SCEL: variants seen among roughly 807,000 people sequenced by gnomAD.
SCEL encodes the protein sciellin.
In SCEL, 113 loss-of-function variants were observed where a neutral mutation model predicts 117.6. The observed-to-expected ratio is 0.96, with a 90% CI of 0.83 to 1.12. The LOEUF is 1.12. Ranked by LOEUF, SCEL falls within the 50% of genes most tolerant of loss-of-function variation. The pLI is 0.00. For synonymous variants in SCEL, 270 were observed against 256.2 expected (o/e 1.05, Z -0.51); for missense variants, 785 against 810.8 (o/e 0.97, Z 0.39).
At position 77,642,808 on chromosome 13, in the gene SCEL, GGTAA is replaced by G. The variant is rs1354209670; in HGVS notation, c.2050+3_2050+6del. On this transcript the variant is annotated splice_donor_variant and splice_donor_region_variant and intron_variant, in intron 32 of 32. Transcript: ENST00000349847. LOFTEE classifies it high-confidence loss of function. ...TGAACCTTGCTACTCTAAAATTATG[GGTAA>G]GTGTTACACTCTAAGCATTTAACAC... is the stretch of plus-strand genomic sequence containing the variant. The G allele has an allele frequency of 1.3e-6, 2 of 1,550,218 alleles. No homozygotes were observed. The highest frequency in any genetic ancestry group is 1.8e-6 in the Non-Finnish European group (2 of 1,131,200).
chr13:77,544,397 A>C (rs551694787), intron 1 of SCEL, among the ~76,000 whole-genome samples: 1 of 152,306 alleles, frequency 6.6e-6, no homozygotes, highest in East Asian at 1.9e-4. Flanking sequence ...AGGTAAGCCA[A>C]GAGGCATTAT....
intron 9 of SCEL, among the ~76,000 whole-genome samples, chr13:77,575,105 A>G (rs1253526491): frequency 6.6e-6 from 1 of 152,146 alleles, no homozygotes; most frequent in Non-Finnish European, 1.5e-5. Flanking sequence ...AGCCCTTAAC[A>G]CCATGGGTTA....
intron 21 of SCEL, among the ~76,000 whole-genome samples, chr13:77,609,615 G>A (rs891440801): frequency 2.6e-5 from 4 of 152,182 alleles, no homozygotes; most frequent in Admixed American, 6.5e-5. Context: ...GTCATGGTAA[G>A]GCACAGGCAT....
intron 9 of SCEL, among the ~76,000 whole-genome samples, chr13:77,578,138 G>C (rs1010477636): frequency 2.6e-5 from 4 of 152,124 alleles, no homozygotes; most frequent in Admixed American, 2.0e-4. Context: ...ATTCCTTACT[G>C]TGTTTATTCA....
chr13:77,643,804 G>T (rs183351196), intron 32 of SCEL, among the ~76,000 whole-genome samples: 2 of 152,158 alleles, frequency 1.3e-5, no homozygotes, highest in East Asian at 1.9e-4. Context: ...TCTATATTCT[G>T]CTTCCCCCAG....
chr13:77,614,656 C>A (rs2088895564), intron 24 of SCEL, among the ~76,000 whole-genome samples: 1 of 152,058 alleles, frequency 6.6e-6, no homozygotes, highest in Admixed American at 6.6e-5. Context: ...GGGAATGAAC[C>A]TTAAGATATC....
At chr13:77,632,003 C>A (rs750114636) in intron 28 of SCEL, among the ~76,000 whole-genome samples, 6 of 152,194 alleles carry the variant, frequency 3.9e-5, no homozygotes, top group African/African-American at 7.2e-5. Context: ...ACTCACATGG[C>A]CTTTCCTCTG....
chr13:77,569,649 G>A (rs971382065), intron 8 of SCEL, among the ~76,000 whole-genome samples, 198 bp downstream of exon 8: 1 of 152,196 alleles, frequency 6.6e-6, no homozygotes, highest in Non-Finnish European at 1.5e-5. Context: ...TCTAGGAAAT[G>A]TTTTAGATGA....
intron 9 of SCEL, among the ~76,000 whole-genome samples, chr13:77,580,138 G>A (rs912035091): frequency 7.2e-5 from 11 of 152,210 alleles, no homozygotes; most frequent in African/African-American, 2.7e-4. Flanking sequence ...AAGAGTTAAT[G>A]TTGTGCTGTT....
chr13:77,611,862 A>G (rs993544558), intron 22 of SCEL, among the ~76,000 whole-genome samples: 1 of 152,196 alleles, frequency 6.6e-6, no homozygotes, highest in Non-Finnish European at 1.5e-5. Context: ...AGTGCTTATT[A>G]GACATTATCT....
rs781448824 is a variant in SCEL, at chr13:77,569,477, T to A, written c.479+26T>A. ...GTAGGATGAACTCACTGTGTCTACC[T>A]CTTGCTGATACACTATGAAAGACTG... is the stretch of plus-strand genomic sequence containing the variant. On this transcript the variant is annotated intron_variant, in intron 8 of 32. Transcript: ENST00000349847. 4.5e-6 allele frequency: 7 copies of A among 1,546,510 alleles called. No homozygotes were observed. In the Admixed American group the frequency reaches 8.4e-5, roughly 19 times the overall value.
rs767536432 is a variant in SCEL at position 77,593,592 on chromosome 13, T to C, written c.752+19T>C. 11 of 1,603,520 alleles carry C rather than the reference T, an allele frequency of 6.9e-6. No homozygotes were observed. The highest frequency in any genetic ancestry group is 1.7e-4 in the Middle Eastern group (1 of 6,028). On this transcript the variant is annotated intron_variant, in intron 12 of 32. Coordinates refer to ENST00000349847, the MANE Select transcript of SCEL (RefSeq NM_144777.3). The stretch of plus-strand genomic sequence containing the variant: ...ACAAAGGGTGAGATCTCAGAGCTTT[T>C]GAGCTTGGGTTTTATCTTCCCTGGT...
intron 20 of SCEL, 89 bp from the exon 21 acceptor site, chr13:77,608,969 A>T (rs1177842885): frequency 9.4e-7 from 1 of 1,058,838 alleles, no homozygotes; most frequent in African/African-American, 1.6e-5. Context: ...AGTAAAATTT[A>T]TCTTGAGTAC....
At chr13:77,548,682 T>G (rs2084130511) in intron 1 of SCEL, among the ~76,000 whole-genome samples, 1 of 152,200 alleles carries the variant, frequency 6.6e-6, no homozygotes, top group Non-Finnish European at 1.5e-5. Context: ...ACGGTTTTTT[T>G]CCATACTGTT....
At chr13:77,593,300 G>GTGTGTGTGTGTGCGCGCGTC (rs2087020011) in intron 11 of SCEL, among the ~76,000 whole-genome samples, 21 of 145,228 alleles carry the variant, frequency 1.4e-4, no homozygotes, top group African/African-American at 5.1e-4. Flanking sequence ...GTGTGTGTCT[G>GTGTGTGTGTGTGCGCGCGTC]TGTGTGTGTG....
intron 9 of SCEL, among the ~76,000 whole-genome samples, chr13:77,579,519 CTCTT>C (rs2086148472): frequency 2.0e-5 from 3 of 152,182 alleles, no homozygotes; most frequent in Admixed American, 2.0e-4. Context: ...CTGTCTCTGT[CTCTT>C]TCTTTTTCCA....
rs1405123109 is a variant in SCEL, at chr13:77,603,130, C to T, written c.1092C>T (p.Thr364=). The T allele has an allele frequency of 3.9e-6, 6 of 1,535,220 alleles. No homozygotes were observed. Among genetic ancestry groups the T allele is most frequent in the Non-Finnish European group, 5.3e-6 (6 of 1,128,962 alleles). The part of the protein sequence containing the change: ...TEVNPKGHEN[T]TGKKDLDGLI... The stretch of plus-strand genomic sequence containing the variant: ...TAAATCCCAAAGGACATGAAAATAC[C>T]ACTGGGTAAAAATAATTAATGTCTT... The change falls in exon 18 of 33, where the codon ACC becomes ACT. Residue 364 remains threonine, a synonymous_variant. Coordinates refer to ENST00000349847, the MANE Select transcript of SCEL (RefSeq NM_144777.3).
intron 27 of SCEL, among the ~76,000 whole-genome samples, chr13:77,625,206 T>C (rs2089667606): frequency 2.0e-5 from 3 of 152,212 alleles, no homozygotes; most frequent in Admixed American, 6.5e-5. Flanking sequence ...ATATTCCCTT[T>C]AATTTTATTC....
intron 27 of SCEL, among the ~76,000 whole-genome samples, chr13:77,619,555 AG>A (rs1203667541): frequency 6.6e-6 from 1 of 152,172 alleles, no homozygotes; most frequent in African/African-American, 2.4e-5. Context: ...ACACAGTTAA[AG>A]GAGTATGATC....
Sources: gnomAD v4.1 joint callset for allele counts (sites outside exome capture counted in the v4.1 genomes callset) on GRCh38, gnomAD v4.1.1 for gene constraint, MANE v1.5 for transcripts, NCBI Gene and HGNC (gene_info 2026-07-23, HGNC 2026-07-21) for gene names.